IFIH1: variants seen among roughly 807,000 people sequenced by gnomAD.
IFIH1 encodes interferon induced with helicase C domain 1.
IFIH1 carries 125 observed loss-of-function variants against 107.4 expected under a neutral mutation model. The observed-to-expected ratio is 1.16, with a 90% CI of 1.01 to 1.35. IFIH1 has a LOEUF of 1.35. IFIH1 is among the 40% of genes most tolerant of loss of function. The pLI is 0.00. For synonymous variants in IFIH1, 458 were observed against 413.2 expected (o/e 1.11, Z -1.31); for missense variants, 1,333 against 1,213.7 (o/e 1.10, Z -1.46).
rs35207787 is a variant in IFIH1 at position 162,288,179 on chromosome 2, T to C, written c.1051A>G (p.Lys351Glu). ...YIAKDHLDKK[K>E]KASEPGKVIV... ...ACTTTTCCAGGCTCAGATGCTTTTT[T>C]CTTCTTGTCTAAGTGATCCTTGGCA... The change falls in exon 5 of 16, where the codon AAA (lysine) becomes GAA (glutamate). Residue 351 changes from lysine (K) to glutamate (E), a missense_variant. Lys to Glu is a moderately conservative substitution (Grantham distance 56, BLOSUM62 1). Coordinates refer to ENST00000649979, the MANE Select transcript of IFIH1 (RefSeq NM_022168.4). The C allele has an allele frequency of 4.0e-5, 65 of 1,612,554 alleles. No individual in the cohort carries two copies. The highest frequency in any genetic ancestry group is 5.4e-5 in the Non-Finnish European group (64 of 1,179,194).
intron 1 of IFIH1, among the ~76,000 whole-genome samples, chr2:162,314,174 G>A (rs1683428861): frequency 6.6e-6 from 1 of 152,144 alleles, no homozygotes; most frequent in African/African-American, 2.4e-5. Flanking sequence ...TAACTAAGAT[G>A]TAACAATGCC....
At chr2:162,314,524 T>A (rs1056383684) in intron 1 of IFIH1, among the ~76,000 whole-genome samples, 1 of 150,778 alleles carries the variant, frequency 6.6e-6, no homozygotes, top group Non-Finnish European at 1.5e-5. Flanking sequence ...AGTCTCGCTC[T>A]GTCACCAGGG....
chr2:162,300,742 A>T (rs1683178757), intron 3 of IFIH1, among the ~76,000 whole-genome samples: 1 of 152,192 alleles, frequency 6.6e-6, no homozygotes, highest in Admixed American at 6.5e-5. Context: ...ATATAGCATG[A>T]ATGATTCTGA....
intron 7 of IFIH1, among the ~76,000 whole-genome samples, chr2:162,280,796 C>T (rs1307962630): frequency 6.6e-6 from 1 of 152,030 alleles, no homozygotes; most frequent in Non-Finnish European, 1.5e-5. Flanking sequence ...CTCTGATTTA[C>T]TTAACACTCA....
In IFIH1 at chr2:162,318,204, A is replaced by C; in HGVS notation, c.104T>G (p.Leu35Arg). 6.2e-7 allele frequency: 1 copy of C among 1,614,184 alleles called. No homozygotes were observed. Among genetic ancestry groups the C allele is most frequent in the Non-Finnish European group, 8.5e-7 (1 of 1,180,026 alleles). Reference protein sequence around the residue: ...YIQVEPVLDYLTFLPAEVKEQ... With the variant: ...YIQVEPVLDYRTFLPAEVKEQ... ...CTTCACCTCTGCAGGCAGAAAGGTC[A>C]GGTAGTCCAGCACAGGCTCCACCTG... Residue 35 changes from leucine (L) to arginine (R), a missense_variant, in exon 1 of 16, where the codon CTG becomes CGG. By Grantham distance (102) the Leu-to-Arg change is moderately radical. Coordinates refer to ENST00000649979, the MANE Select transcript of IFIH1 (RefSeq NM_022168.4).
chr2:162,286,602 G>A (rs1400213126), intron 5 of IFIH1, among the ~76,000 whole-genome samples: 1 of 149,606 alleles, frequency 6.7e-6, no homozygotes, highest in Non-Finnish European at 1.5e-5. Context: ...TACTCACAAA[G>A]AGACAGGTAA....
At position 162,268,167 on chromosome 2, in the gene IFIH1, G is replaced by A. The variant is rs760510061; in HGVS notation, c.2727C>T (p.Asn909=). ...NPSLITFLCK[N]CSVLACSGED... ...CCCCAGAACAGGCTAGCACACTGCAGTTTTTGCAAAGGAAAGTTATTAGTG... is the reference window on the plus strand; with the variant it reads ...CCCCAGAACAGGCTAGCACACTGCAATTTTTGCAAAGGAAAGTTATTAGTG... Residue 909 remains asparagine, a synonymous_variant, in exon 14 of 16, where the codon AAC becomes AAT. Coordinates refer to ENST00000649979, the MANE Select transcript of IFIH1 (RefSeq NM_022168.4). The A allele has an allele frequency of 6.2e-7, 1 of 1,613,718 alleles. No homozygotes were observed. Among genetic ancestry groups the A allele is most frequent in the South Asian group, 1.1e-5 (1 of 91,040 alleles).
At chr2:162,268,047 C>T (rs953620288) in intron 14 of IFIH1, 40 bp downstream of exon 14, 11 of 1,424,132 alleles carry the variant, frequency 7.7e-6, no homozygotes, top group Non-Finnish European at 1.1e-5. Flanking sequence ...CTGCTTCACC[C>T]CTTGTGGAAA....
chr2:162,293,546 A>G lies in IFIH1; in HGVS notation c.874+18T>C, dbSNP rs1229089402. The G allele has an allele frequency of 2.0e-6, 3 of 1,536,346 alleles. No homozygotes were observed. Among genetic ancestry groups the G allele is most frequent in the Non-Finnish European group, 2.7e-6 (3 of 1,111,994 alleles). ...TTATTTCACACTTTTTAAGGTTTACACAACAGTTAGGCAGTACCTGAATCA... is the reference window on the plus strand; with the variant it reads ...TTATTTCACACTTTTTAAGGTTTACGCAACAGTTAGGCAGTACCTGAATCA... On this transcript the variant is annotated intron_variant, in intron 4 of 15. Transcript: ENST00000649979.
At chr2:162,301,866 A>T (rs1683198605) in intron 3 of IFIH1, among the ~76,000 whole-genome samples, 1 of 152,206 alleles carries the variant, frequency 6.6e-6, no homozygotes, top group Admixed American at 6.5e-5. Context: ...GAACTATAGC[A>T]TCCAGCATTA....
At chr2:162,284,847 G>A (rs1244758565) in intron 5 of IFIH1, among the ~76,000 whole-genome samples, 1 of 151,932 alleles carries the variant, frequency 6.6e-6, no homozygotes, top group African/African-American at 2.4e-5. Flanking sequence ...ATACACTCAT[G>A]CTGAATGATT....
Position 162,269,718 on chromosome 2 carries a change from T to G in IFIH1, c.2617-1441A>C, listed in dbSNP as rs566481143. ...CCGAGGGAGAAATTTTCAGTAAAAGTAAGTCATCAGTGCAGTTGAACAAAG... is the reference window on the plus strand; with the variant it reads ...CCGAGGGAGAAATTTTCAGTAAAAGGAAGTCATCAGTGCAGTTGAACAAAG... On this transcript the variant is annotated intron_variant, in intron 13 of 15. Transcript: ENST00000649979. Among the ~76,000 whole-genome samples the G allele has an allele frequency of 2.6e-5, 4 of 152,282 alleles. No homozygotes were observed. The South Asian group carries it at 6.2e-4, about 24-fold the overall frequency.
chr2:162,293,926 C>A (rs1441817841), intron 3 of IFIH1, among the ~76,000 whole-genome samples: 1 of 151,890 alleles, frequency 6.6e-6, no homozygotes, highest in East Asian at 1.9e-4. Context: ...AGAGCTAAAG[C>A]AAATTCCTAA....
intron 3 of IFIH1, among the ~76,000 whole-genome samples, chr2:162,294,672 T>G (rs1275754506): frequency 6.6e-6 from 1 of 151,936 alleles, no homozygotes; most frequent in Non-Finnish European, 1.5e-5. Context: ...TTGCTGGCAA[T>G]TAGAAAATGA....
In IFIH1 at chr2:162,277,443, T is replaced by C; in HGVS notation, c.2016A>G (p.Thr672=). Residue 672 remains threonine, a synonymous_variant, in exon 10 of 16, where the codon ACA becomes ACG. Transcript: ENST00000649979. The part of the protein sequence containing the change: ...DLKKPLKLDE[T]DRFLMTLFFE... ...AAAATAAAGTCATGAGAAATCTATC[T>C]GTTTCATCCAGTTTCAAAGGTTTCT... The C allele has an allele frequency of 6.2e-7, 1 of 1,608,720 alleles. No homozygotes were observed. The highest frequency in any genetic ancestry group is 8.5e-7 in the Non-Finnish European group (1 of 1,176,720).
Position 162,297,885 on chromosome 2 carries a change from A to G in IFIH1, c.770-4217T>C, listed in dbSNP as rs538393461. Among the ~76,000 whole-genome samples the G allele has an allele frequency of 3.6e-4, 55 of 150,942 alleles. No individual in the cohort carries two copies. The East Asian group carries it at 6.2e-3, about 17-fold the overall frequency. On this transcript the variant is annotated intron_variant, in intron 3 of 15. Transcript: ENST00000649979. ...CCTAAGACCAGCCCAAAAGCCATGGAAAAAAAAAGCCTTATTTTGCAATCA... is the reference window on the plus strand; with the variant it reads ...CCTAAGACCAGCCCAAAAGCCATGGGAAAAAAAAGCCTTATTTTGCAATCA...
At chr2:162,273,075 G>A (rs1691076487) in intron 12 of IFIH1, among the ~76,000 whole-genome samples, 1 of 152,088 alleles carries the variant, frequency 6.6e-6, no homozygotes, top group African/African-American at 2.4e-5. Context: ...ATGGCAGTCT[G>A]GTTATCTTAG....
rs191564667 is a variant in IFIH1 at position 162,287,349 on chromosome 2, A to G, written c.1095+786T>C. Among the ~76,000 whole-genome samples, 291 of 152,024 alleles carry G rather than the reference A, an allele frequency of 1.9e-3. 5 individuals are homozygous for G. Among genetic ancestry groups the G allele is most frequent in the Non-Finnish European group, 4.9e-4 (33 of 67,866 alleles). Reference sequence around the variant, plus strand: ...TTTCTGATCAAGGAAAAGTATGCTCATTTTTATTCCATAAAATAGTAAATA... The same window carrying G: ...TTTCTGATCAAGGAAAAGTATGCTCGTTTTTATTCCATAAAATAGTAAATA... On this transcript the variant is annotated intron_variant, in intron 5 of 15. Coordinates refer to ENST00000649979, the MANE Select transcript of IFIH1 (RefSeq NM_022168.4).
chr2:162,293,710 G>T (rs376279653), intron 3 of IFIH1, 42 bp from the exon 4 acceptor site: 24 of 1,344,332 alleles, frequency 1.8e-5, no homozygotes, highest in Non-Finnish European at 2.1e-5. Context: ...AAATATTTCT[G>T]AGAATAAACG....
Sources: gnomAD v4.1 joint callset for allele counts (sites outside exome capture counted in the v4.1 genomes callset) on GRCh38, gnomAD v4.1.1 for gene constraint, MANE v1.5 for transcripts, NCBI Gene and HGNC (gene_info 2026-07-23, HGNC 2026-07-21) for gene names.